Variants in TBC1D19 observed in about 807,000 individuals in gnomAD.
The protein encoded by TBC1D19 is TBC1 domain family member 19, also known as TBC1 domain family, member 19.
Under a neutral mutation model 89.0 loss-of-function variants are expected in TBC1D19, and 60 were observed. The ratio of observed to expected loss-of-function variants is 0.67; its 90% CI spans 0.55 to 0.84. The LOEUF is 0.84. Ranked by LOEUF, TBC1D19 falls within the 40% of genes least tolerant of loss-of-function variation. The pLI, the probability that TBC1D19 is intolerant of heterozygous loss-of-function variation, is 0.00. For missense variants in TBC1D19, 500 were observed against 610.8 expected, an observed-to-expected ratio of 0.82 and a Z score of 1.91; for synonymous variants, 189 against 199.7, an observed-to-expected ratio of 0.95 and a Z score of 0.45.
At chr4:26,696,456 GAA>G (rs1432762527) in intron 13 of TBC1D19, among the ~76,000 whole-genome samples, 1 of 152,158 alleles carries the variant, frequency 6.6e-6, no homozygotes, top group Admixed American at 6.5e-5. Context: ...CAACCAGACA[GAA>G]AGTTAGCAAG....
chr4:26,771,683 A>G, the TBC1D19 span, among the ~76,000 whole-genome samples: 1 of 152,158 alleles, frequency 6.6e-6, no homozygotes, highest in South Asian at 2.1e-4. Context: ...TCGTTTTTCA[A>G]TAGTATAAAG....
At position 26,620,708 on chromosome 4, in the gene TBC1D19, C is replaced by T. The variant is rs776429980; in HGVS notation, c.294+20C>T. 1.2e-6 allele frequency: 2 copies of T among 1,608,812 alleles called. No homozygotes were observed. The highest frequency in any genetic ancestry group is 1.1e-5 in the South Asian group (1 of 90,364). On this transcript the variant is annotated intron_variant, in intron 4 of 20. Coordinates refer to ENST00000264866, the MANE Select transcript of TBC1D19 (RefSeq NM_018317.4). ...GCACAGGTTGGCTATTGTTCAATTTCATTTTATTTTTTCATGCCAAGTTAT... is the reference window on the plus strand; with the variant it reads ...GCACAGGTTGGCTATTGTTCAATTTTATTTTATTTTTTCATGCCAAGTTAT...
intron 1 of TBC1D19, chr4:26,585,127 A>G: frequency 2.3e-6 from 1 of 431,442 alleles, no homozygotes; most frequent in Non-Finnish European, 4.6e-6. Flanking sequence ...TTTTGCTTGG[A>G]TATTTGTTTC....
At chr4:26,618,819 G>T (rs1741854044) in intron 3 of TBC1D19, among the ~76,000 whole-genome samples, 1 of 152,152 alleles carries the variant, frequency 6.6e-6, no homozygotes, top group African/African-American at 2.4e-5. Context: ...AGGAATAATG[G>T]TTGCCTAAAA....
intron 1 of TBC1D19, among the ~76,000 whole-genome samples, chr4:26,586,786 T>C (rs1039914494): frequency 2.6e-5 from 4 of 152,216 alleles, no homozygotes; most frequent in Non-Finnish European, 5.9e-5. Context: ...GCAATTGATA[T>C]TAATCTATTT....
chr4:26,579,497 T>C (rs73114612), upstream of TBC1D19, among the ~76,000 whole-genome samples: 2,050 of 152,224 alleles, frequency 0.013, 57 homozygotes, highest in African/African-American at 0.048. Flanking sequence ...CCTGCCTTTT[T>C]TTTTTTAAAT....
chr4:26,722,122 C>T (rs1402647996), intron 15 of TBC1D19, among the ~76,000 whole-genome samples: 4 of 152,068 alleles, frequency 2.6e-5, no homozygotes, highest in African/African-American at 9.7e-5. Flanking sequence ...ATTTTTGTTG[C>T]CTCAGTATCT....
chr4:26,739,861 C>T lies in TBC1D19; in HGVS notation c.1118-3C>T, dbSNP rs1470464840. On this transcript the variant is annotated splice_polypyrimidine_tract_variant and splice_region_variant and intron_variant, in intron 16 of 20. Coordinates refer to ENST00000264866, the MANE Select transcript of TBC1D19 (RefSeq NM_018317.4). Reference sequence around the variant, plus strand: ...GTATTATAAATTAATTTTTTTCTTTCAGTTGCACCACTTTGTTTTCTATAC... The same window carrying T: ...GTATTATAAATTAATTTTTTTCTTTTAGTTGCACCACTTTGTTTTCTATAC... The T allele has an allele frequency of 6.5e-7, 1 of 1,531,314 alleles. No individual in the cohort carries two copies. Among genetic ancestry groups the T allele is most frequent in the Non-Finnish European group, 8.8e-7 (1 of 1,138,108 alleles). 94.9% of individuals were successfully genotyped at this position (1,531,314 alleles called of 1,614,324 possible).
chr4:26,753,767 G>T, intron 19 of TBC1D19, 53 bp from the exon 20 acceptor site: 1 of 1,602,784 alleles, frequency 6.2e-7, no homozygotes, highest in Middle Eastern at 1.7e-4. Context: ...AGCAGTAACC[G>T]TGCCGGGCTG....
chr4:26,697,578 A>T (rs1437465119), intron 13 of TBC1D19, among the ~76,000 whole-genome samples: 1 of 152,012 alleles, frequency 6.6e-6, no homozygotes, highest in Non-Finnish European at 1.5e-5. Context: ...ATTTTGGACC[A>T]ATATCCCTGA....
chr4:26,727,144 T>C (rs946289686), intron 15 of TBC1D19, among the ~76,000 whole-genome samples: 1 of 152,184 alleles, frequency 6.6e-6, no homozygotes, highest in African/African-American at 2.4e-5. Flanking sequence ...AAACATGCTC[T>C]TGGGTGGTAG....
chr4:26,820,752 CATGCTGCTTTCCA>C, the TBC1D19 span, among the ~76,000 whole-genome samples: 2 of 152,130 alleles, frequency 1.3e-5, no homozygotes, highest in Non-Finnish European at 2.9e-5. Context: ...GAGGAACCTC[CATGCTGCTTTCCA>C]AAATGGTGGT....
chr4:26,779,365 G>C, the TBC1D19 span, among the ~76,000 whole-genome samples: 1 of 152,236 alleles, frequency 6.6e-6, no homozygotes, highest in Non-Finnish European at 1.5e-5. Flanking sequence ...AGGCTCCCCA[G>C]GTTACTTCAC....
chr4:26,765,313 G>A, the TBC1D19 span, among the ~76,000 whole-genome samples: 1 of 152,030 alleles, frequency 6.6e-6, no homozygotes, highest in East Asian at 1.9e-4. Flanking sequence ...AGTTTGAAAG[G>A]GTTTCAGAGA....
intron 1 of TBC1D19, 136 bp from the exon 2 acceptor site, chr4:26,613,033 G>A (rs1008835738): frequency 5.4e-5 from 33 of 616,034 alleles, no homozygotes; most frequent in Middle Eastern, 9.2e-4. Context: ...TCTTCAAAGA[G>A]GATTTTTCAA....
At chr4:26,663,258 A>G (rs981322991) in intron 8 of TBC1D19, among the ~76,000 whole-genome samples, 4 of 152,232 alleles carry the variant, frequency 2.6e-5, no homozygotes, top group African/African-American at 9.6e-5. Context: ...GAAAACATTG[A>G]TAAGTACCAC....
chr4:26,581,986 T>C (rs1227198693), upstream of TBC1D19, among the ~76,000 whole-genome samples: 2 of 152,098 alleles, frequency 1.3e-5, no homozygotes, highest in Non-Finnish European at 2.9e-5. Flanking sequence ...TTTTTTTTTT[T>C]TGCTTGGACA....
chr4:26,651,626 G>A (rs1198990074), intron 7 of TBC1D19, among the ~76,000 whole-genome samples: 1 of 152,120 alleles, frequency 6.6e-6, no homozygotes, highest in African/African-American at 2.4e-5. Context: ...AGACGATGGG[G>A]TTTTCTAGAT....
chr4:26,776,194 G>T, the TBC1D19 span, among the ~76,000 whole-genome samples: 1 of 152,050 alleles, frequency 6.6e-6, no homozygotes, highest in Non-Finnish European at 1.5e-5. Context: ...CTAGTAGGTT[G>T]GTCATTGTTA....
Sources: allele counts gnomAD v4.1 joint callset (sites outside exome capture counted in the v4.1 genomes callset), GRCh38; gene constraint gnomAD v4.1.1; transcripts MANE v1.5; gene names NCBI Gene and HGNC (gene_info 2026-07-23, HGNC 2026-07-21).